INSR: variants seen among roughly 807,000 people sequenced by gnomAD.
INSR encodes insulin receptor.
Under a neutral mutation model 142.6 loss-of-function variants are expected in INSR, and 67 were observed. The observed-to-expected ratio is 0.47, with a 90% CI of 0.39 to 0.58. The LOEUF is 0.58. Ranked by LOEUF, INSR falls within the 20% of genes least tolerant of loss-of-function variation. INSR has a pLI of 0.00. For missense variants in INSR, 1,248 were observed against 1,833.2 expected, an observed-to-expected ratio of 0.68 and a Z score of 5.83; for synonymous variants, 756 against 743.1, an observed-to-expected ratio of 1.02 and a Z score of -0.28.
At chr19:7,175,982 C>A (rs1309872876) in intron 3 of INSR, among the ~76,000 whole-genome samples, 4 of 152,124 alleles carry the variant, frequency 2.6e-5, no homozygotes, top group African/African-American at 4.8e-5. Context: ...CCCAAAGTGA[C>A]AAGACTCATA....
chr19:7,265,199 A>G (rs971214610), intron 2 of INSR, among the ~76,000 whole-genome samples: 1 of 152,218 alleles, frequency 6.6e-6, no homozygotes, highest in African/African-American at 2.4e-5. Flanking sequence ...GCATGAAAAC[A>G]TGATAAAACT....
intron 2 of INSR, among the ~76,000 whole-genome samples, chr19:7,206,569 T>C (rs112942661): frequency 1.3e-5 from 2 of 152,202 alleles, no homozygotes; most frequent in Non-Finnish European, 2.9e-5. Context: ...TATTGTGAAC[T>C]GTGCATGCGA....
Position 7,116,775 on chromosome 19 carries a change from A to C in INSR, c.*281T>G. 8.4e-6 allele frequency: 2 copies of C among 239,254 alleles called. No homozygotes were observed. 14.8% of individuals were successfully genotyped at this position (239,254 alleles called of 1,614,324 possible). A position where few individuals can be genotyped will look rare whatever the true frequency, so the allele number is the denominator to read the frequency against. On this transcript the variant is annotated 3_prime_UTR_variant, in exon 22 of 22. Coordinates refer to ENST00000302850, the MANE Select transcript of INSR (RefSeq NM_000208.4). ...CATCTGCTGGGGGCGGGTGGGGGGAACGAAAAAACACAAAATCCTGGTTTG... is the reference window on the plus strand; with the variant it reads ...CATCTGCTGGGGGCGGGTGGGGGGACCGAAAAAACACAAAATCCTGGTTTG...
chr19:7,146,236 C>CCTT lies in INSR; in HGVS notation c.2268-3147_2268-3146insAAG, dbSNP rs1424523294. On this transcript the variant is annotated intron_variant, in intron 11 of 21. Coordinates refer to ENST00000302850, the MANE Select transcript of INSR (RefSeq NM_000208.4). ...TTCAGTGCAGTATCTTTGTCAAGTT[C>CCTT]TTTTTTTTTTTTTTTTTTTTTTGAG... 6.8e-4 allele frequency among the ~76,000 whole-genome samples: 75 copies of CCTT among 110,714 alleles called. 20 individuals are homozygous for CCTT. The highest frequency in any genetic ancestry group is 7.9e-4 in the Non-Finnish European group (42 of 53,210). The allele number at this position is 110,714 out of a possible 152,430, so 72.6% of individuals were successfully genotyped here. A position where few individuals can be genotyped will look rare whatever the true frequency, so the allele number is the denominator to read the frequency against.
At chr19:7,194,369 A>G (rs1974681035) in intron 2 of INSR, among the ~76,000 whole-genome samples, 1 of 151,966 alleles carries the variant, frequency 6.6e-6, no homozygotes, top group South Asian at 2.1e-4. Context: ...GTCAGCCAAG[A>G]TCGTGCCACT....
At chr19:7,130,649 G>C (rs950726861) in intron 14 of INSR, among the ~76,000 whole-genome samples, 1 of 152,108 alleles carries the variant, frequency 6.6e-6, no homozygotes, top group African/African-American at 2.4e-5. Flanking sequence ...AAAGTTTCTT[G>C]AGGCTTCCTC....
chr19:7,251,326 G>A (rs139022943), intron 2 of INSR, among the ~76,000 whole-genome samples: 16 of 152,054 alleles, frequency 1.1e-4, no homozygotes, highest in East Asian at 5.8e-4. Flanking sequence ...ATGCAATCTC[G>A]GCTCATTACA....
chr19:7,204,209 A>AT (rs11368513), intron 2 of INSR, among the ~76,000 whole-genome samples: 85,935 of 149,990 alleles, frequency 0.57, 25,533 homozygotes, highest in Admixed American at 0.64. Flanking sequence ...TGCCCAACTA[A>AT]TTTTTTTTTT....
At chr19:7,240,658 C>T (rs371130230) in intron 2 of INSR, among the ~76,000 whole-genome samples, 22 of 152,156 alleles carry the variant, frequency 1.4e-4, no homozygotes, top group East Asian at 1.4e-3. Flanking sequence ...TTTCCTGGCC[C>T]GAAAATCCAA....
intron 11 of INSR, among the ~76,000 whole-genome samples, chr19:7,149,187 G>A (rs1033230346): frequency 1.3e-5 from 2 of 152,136 alleles, no homozygotes; most frequent in African/African-American, 4.8e-5. Flanking sequence ...GATTACAGGC[G>A]TGAGCCACCC....
Position 7,172,410 on chromosome 19 carries a change from G to C in INSR, c.1148C>G (p.Ala383Gly). The change falls in exon 5 of 22, where the codon GCC becomes GGC. Residue 383 changes from alanine to glycine, a missense_variant. By Grantham distance (60) the Ala-to-Gly change is moderately conservative (BLOSUM62 0). Coordinates refer to ENST00000302850, the MANE Select transcript of INSR (RefSeq NM_000208.4). The stretch of plus-strand genomic sequence containing the variant: ...AATTTCTTCAATGAGGCCGAGGTTG[G>C]CTTCTAGCTCAGCTGCCAGATTGTC... ...GGNNLAAELEANLGLIEEISG... is the reference protein window; with the variant it reads ...GGNNLAAELEGNLGLIEEISG... 1 of 1,614,068 alleles carries C rather than the reference G, an allele frequency of 6.2e-7. No individual in the cohort carries two copies. Among genetic ancestry groups the C allele is most frequent in the Non-Finnish European group, 8.5e-7 (1 of 1,179,992 alleles).
chr19:7,160,236 C>A lies in INSR; in HGVS notation c.2029+2796G>T, dbSNP rs1973712139. Among the ~76,000 whole-genome samples, 8 of 152,132 alleles carry A rather than the reference C, an allele frequency of 5.3e-5. No homozygotes were observed. In the South Asian group the frequency reaches 1.7e-3, roughly 32 times the overall value. On this transcript the variant is annotated intron_variant, in intron 9 of 21. Coordinates refer to ENST00000302850, the MANE Select transcript of INSR (RefSeq NM_000208.4). ...ATGGTGCAAGCTCGGCTCATTGCAA[C>A]CTCCACCTCCCGGGTTCAAGCGATT...
rs1224397507 is a variant in INSR at position 7,159,768 on chromosome 19, A to G, written c.2029+3264T>C. ...AGAGCTGGGACAGCTCCCAGAGATC[A>G]TCTGTCCTCCCGCCCCTTCTCCCAA... is the stretch of plus-strand genomic sequence containing the variant. On this transcript the variant is annotated intron_variant, in intron 9 of 21. Transcript: ENST00000302850. This position sits in a 1 kb window ranked among gnomAD's most constrained non-coding sequence, Gnocchi z 4.3. The G allele has an allele frequency of 1.3e-5, 2 of 152,210 alleles. No individual in the cohort carries two copies. The highest frequency in any genetic ancestry group is 4.8e-5 in the African/African-American group (2 of 41,432). 9.4% of individuals were successfully genotyped at this position (152,210 alleles called of 1,614,324 possible).
intron 13 of INSR, among the ~76,000 whole-genome samples, chr19:7,136,540 C>T (rs1016081115): frequency 6.6e-6 from 1 of 151,940 alleles, no homozygotes; most frequent in East Asian, 1.9e-4. Context: ...TTGACTGGCC[C>T]GTGTCTCCTG....
rs1381353621 is a variant in INSR, at chr19:7,168,613, C to T, written c.1484-519G>A. Among the ~76,000 whole-genome samples, 4 of 152,144 alleles carry T rather than the reference C, an allele frequency of 2.6e-5. No homozygotes were observed. The highest frequency in any genetic ancestry group is 2.1e-4 in the South Asian group (1 of 4,820). On this transcript the variant is annotated intron_variant, in intron 6 of 21. Coordinates refer to ENST00000302850, the MANE Select transcript of INSR (RefSeq NM_000208.4). The surrounding 1 kb of genome is among the most constrained non-coding windows in gnomAD (Gnocchi z 4.3). ...CCTCTCCTAAACCTCACCCCAACCT[C>T]GCTCTCTCTCCTTGCACTACATTTT...
chr19:7,185,924 G>A (rs576718853), intron 2 of INSR, among the ~76,000 whole-genome samples: 1 of 150,482 alleles, frequency 6.6e-6, no homozygotes, highest in African/African-American at 2.4e-5. Flanking sequence ...GCTGGTTGTG[G>A]TGGCTCATGC....
chr19:7,201,738 C>T (rs1242583958), intron 2 of INSR, among the ~76,000 whole-genome samples: 2 of 144,362 alleles, frequency 1.4e-5, no homozygotes, highest in Admixed American at 6.8e-5. Context: ...TCTCGGCTCA[C>T]GGCAAGCTCC....
At chr19:7,170,868 T>C in intron 5 of INSR, 117 bp from the exon 6 acceptor site, 1 of 829,804 alleles carries the variant, frequency 1.2e-6, no homozygotes, top group Non-Finnish European at 2.1e-6. Flanking sequence ...TCCTCTCCAC[T>C]TGCTTGGCAC....
intron 2 of INSR, among the ~76,000 whole-genome samples, chr19:7,214,367 TCAAGAC>T: frequency 6.6e-6 from 1 of 152,280 alleles, no homozygotes; most frequent in East Asian, 1.9e-4. Context: ...AAGAGAAACT[TCAAGAC>T]AAGACGGCTA....
Sources: allele counts gnomAD v4.1 joint callset (sites outside exome capture counted in the v4.1 genomes callset), GRCh38; gene constraint gnomAD v4.1.1; non-coding constraint Gnocchi (gnomAD v3.1); transcripts MANE v1.5; gene names NCBI Gene and HGNC (gene_info 2026-07-23, HGNC 2026-07-21).